PTPRD: variants seen among roughly 807,000 people sequenced by gnomAD.
The protein encoded by PTPRD is protein tyrosine phosphatase receptor type D, also known as receptor-type tyrosine-protein phosphatase delta.
PTPRD carries 34 observed loss-of-function variants against 214.5 expected under a neutral mutation model. That is an observed-to-expected ratio of 0.16 (90% CI 0.12 to 0.21). PTPRD has a LOEUF of 0.21. Among genes scored for constraint, PTPRD ranks in the 10% least tolerant of loss-of-function variants. The pLI is 1.00. For missense variants in PTPRD, 2,545 were observed against 2,398.7 expected (o/e 1.06, Z -1.27); for synonymous variants, 1,128 against 845.7 (o/e 1.33, Z -5.79).
chr9:9,181,704 T>C (rs1427032811), intron 10 of PTPRD, among the ~76,000 whole-genome samples: 1 of 152,048 alleles, frequency 6.6e-6, no homozygotes, highest in Non-Finnish European at 1.5e-5. Context: ...CAGGCAAATG[T>C]AAGTCTAGAA....
At chr9:10,254,819 C>G (rs909672864) in intron 3 of PTPRD, among the ~76,000 whole-genome samples, 1 of 152,134 alleles carries the variant, frequency 6.6e-6, no homozygotes, top group East Asian at 1.9e-4. Context: ...TCTGTATTTA[C>G]TCTGGCGGGT....
intron 8 of PTPRD, among the ~76,000 whole-genome samples, chr9:9,463,699 G>T (rs2146038229): frequency 6.6e-6 from 1 of 151,998 alleles, no homozygotes; most frequent in Middle Eastern, 3.4e-3. Flanking sequence ...TGGGTATGTT[G>T]TGAAATAGTG....
At chr9:9,451,985 A>G (rs1246070267) in intron 8 of PTPRD, among the ~76,000 whole-genome samples, 1 of 151,548 alleles carries the variant, frequency 6.6e-6, no homozygotes, top group Non-Finnish European at 1.5e-5. Flanking sequence ...CAAAAAGAAT[A>G]GAATTATCAT....
intron 10 of PTPRD, among the ~76,000 whole-genome samples, chr9:9,048,932 T>C (rs2099679147): frequency 6.6e-6 from 1 of 152,166 alleles, no homozygotes; most frequent in African/African-American, 2.4e-5. Context: ...CCCATAAATA[T>C]ATGCATCTAC....
intron 11 of PTPRD, among the ~76,000 whole-genome samples, chr9:8,970,109 C>T (rs545358454): frequency 2.6e-5 from 4 of 151,946 alleles, no homozygotes; most frequent in South Asian, 4.1e-4. Flanking sequence ...GCCATGTGTT[C>T]AGTTTATAAC....
At chr9:8,982,687 G>C (rs1401114777) in intron 11 of PTPRD, among the ~76,000 whole-genome samples, 3 of 151,640 alleles carry the variant, frequency 2.0e-5, no homozygotes, top group African/African-American at 4.8e-5. Context: ...CACCTATCTA[G>C]TTCATTCCTA....
chr9:9,976,689 CAAAAAAAAAA>C (rs869096131), intron 4 of PTPRD, among the ~76,000 whole-genome samples: 5 of 63,250 alleles, frequency 7.9e-5, no homozygotes, highest in East Asian at 8.2e-4. Flanking sequence ...ACCCTGCCAC[CAAAAAAAAAA>C]AAAAAAAAAA....
chr9:9,561,273 G>A (rs966743296), intron 8 of PTPRD, among the ~76,000 whole-genome samples: 2 of 152,076 alleles, frequency 1.3e-5, no homozygotes, highest in African/African-American at 4.8e-5. Context: ...CACGTTTCCA[G>A]ATCAAACCCA....
At chr9:8,920,416 T>C (rs2098819380) in intron 11 of PTPRD, among the ~76,000 whole-genome samples, 1 of 152,120 alleles carries the variant, frequency 6.6e-6, no homozygotes, top group Non-Finnish European at 1.5e-5. Context: ...ATTGAAAATA[T>C]CTATCTTGGT....
chr9:8,975,127 CTG>C (rs2099261447), intron 11 of PTPRD, among the ~76,000 whole-genome samples: 1 of 148,246 alleles, frequency 6.7e-6, no homozygotes, highest in Non-Finnish European at 1.5e-5. Flanking sequence ...TTTTCAGAGA[CTG>C]TTTATCAAAG....
intron 8 of PTPRD, among the ~76,000 whole-genome samples, chr9:9,477,370 T>C (rs2095134131): frequency 1.3e-5 from 2 of 152,200 alleles, no homozygotes; most frequent in Non-Finnish European, 2.9e-5. Flanking sequence ...GGATTCCTTT[T>C]CTTACAAACT....
At chr9:8,906,830 G>C (rs1007838058) in intron 11 of PTPRD, among the ~76,000 whole-genome samples, 2 of 151,952 alleles carry the variant, frequency 1.3e-5, no homozygotes, top group Non-Finnish European at 2.9e-5. Flanking sequence ...CGAAAAATGA[G>C]AGCACCATGG....
chr9:8,642,958 AC>A (rs2096609681), intron 12 of PTPRD, among the ~76,000 whole-genome samples: 1 of 152,040 alleles, frequency 6.6e-6, no homozygotes, highest in Admixed American at 6.5e-5. Context: ...TGGCACAGAT[AC>A]CACCTGGGGT....
At chr9:10,487,128 T>G (rs1309931486) in intron 2 of PTPRD, among the ~76,000 whole-genome samples, 2 of 152,168 alleles carry the variant, frequency 1.3e-5, no homozygotes, top group Non-Finnish European at 2.9e-5. Flanking sequence ...ACTCTCACTC[T>G]TCCTGGTTTC....
intron 12 of PTPRD, among the ~76,000 whole-genome samples, chr9:8,725,894 G>A (rs1440654844): frequency 6.6e-6 from 1 of 152,072 alleles, no homozygotes; most frequent in African/African-American, 2.4e-5. Context: ...AAGATTGCTT[G>A]AGAGCATCCT....
chr9:8,495,816 A>T (rs913734502), intron 26 of PTPRD, among the ~76,000 whole-genome samples: 1 of 152,198 alleles, frequency 6.6e-6, no homozygotes, highest in African/African-American at 2.4e-5. Flanking sequence ...CAGTTACAAG[A>T]TTCCCAACAA....
chr9:8,653,896 T>C (rs2096860635), intron 12 of PTPRD, among the ~76,000 whole-genome samples: 1 of 152,238 alleles, frequency 6.6e-6, no homozygotes, highest in African/African-American at 2.4e-5. Context: ...CGCCATGCCC[T>C]AGGAACCTTG....
intron 10 of PTPRD, among the ~76,000 whole-genome samples, chr9:9,176,505 A>G (rs2099924966): frequency 1.3e-5 from 2 of 152,118 alleles, no homozygotes; most frequent in South Asian, 4.1e-4. Context: ...TTAAAAATAG[A>G]CCCATGTTAA....
intron 34 of PTPRD, among the ~76,000 whole-genome samples, chr9:8,446,501 G>A (rs1207806353): frequency 6.6e-6 from 1 of 152,166 alleles, no homozygotes; most frequent in Non-Finnish European, 1.5e-5. Flanking sequence ...AGACCCATCA[G>A]AAGCAGAAAT....
Sources: gnomAD v4.1 joint callset for allele counts (sites outside exome capture counted in the v4.1 genomes callset) on GRCh38, gnomAD v4.1.1 for gene constraint, MANE v1.5 for transcripts, NCBI Gene and HGNC (gene_info 2026-07-23, HGNC 2026-07-21) for gene names.